KCNMA1: variants seen among roughly 807,000 people sequenced by gnomAD.
The protein encoded by KCNMA1 is potassium calcium-activated channel subfamily M alpha 1, also known as Calcium-activated potassium channel subunit alpha-1.
Under a neutral mutation model 140.0 loss-of-function variants are expected in KCNMA1, and 29 were observed. That is an observed-to-expected ratio of 0.21 (90% CI 0.15 to 0.28). The LOEUF (loss-of-function observed/expected upper bound fraction) is 0.28, where lower values mean the gene tolerates loss of function less well. Ranked by LOEUF, KCNMA1 falls within the 10% of genes least tolerant of loss-of-function variation. KCNMA1 has a pLI of 1.00. For missense variants in KCNMA1, 880 were observed against 1,602.2 expected, an observed-to-expected ratio of 0.55 and a Z score of 7.70; for synonymous variants, 612 against 611.9, an observed-to-expected ratio of 1.00 and a Z score of 0.00.
At chr10:77,066,293 C>T (rs576590035) in intron 14 of KCNMA1, among the ~76,000 whole-genome samples, 6 of 152,180 alleles carry the variant, frequency 3.9e-5, no homozygotes, top group African/African-American at 1.4e-4. Context: ...AGAAGTGCTC[C>T]GATTCTGGGA....
At chr10:77,408,403 T>TGTGTGAGAGTGTGTGCATGTGTGTGCAC (rs1190815062) in intron 1 of KCNMA1, among the ~76,000 whole-genome samples, 3 of 151,924 alleles carry the variant, frequency 2.0e-5, no homozygotes, top group Non-Finnish European at 4.4e-5. Context: ...TGTGTGTGCA[T>TGTGTGAGAGTGTGTGCATGTGTGTGCAC]GTGTGAGAGT....
At chr10:77,178,320 G>T (rs2098771535) in intron 5 of KCNMA1, among the ~76,000 whole-genome samples, 2 of 152,090 alleles carry the variant, frequency 1.3e-5, no homozygotes, top group African/African-American at 4.8e-5. Flanking sequence ...CACACAGTAG[G>T]TAATAAAAAT....
intron 1 of KCNMA1, among the ~76,000 whole-genome samples, chr10:77,605,890 G>T (rs1415645578): frequency 6.6e-6 from 1 of 152,194 alleles, no homozygotes; most frequent in Admixed American, 6.5e-5. Flanking sequence ...AGGACTTATG[G>T]AGGATGTGCA....
intron 1 of KCNMA1, among the ~76,000 whole-genome samples, chr10:77,601,719 G>C (rs778423862): frequency 3.9e-5 from 6 of 152,060 alleles, no homozygotes; most frequent in Non-Finnish European, 7.4e-5. Flanking sequence ...CCTCTCCCCG[G>C]GCCCTGGTAA....
At chr10:77,436,141 C>T (rs16934760) in intron 1 of KCNMA1, among the ~76,000 whole-genome samples, 5,685 of 152,288 alleles carry the variant, frequency 0.037, 375 homozygotes, top group African/African-American at 0.13. Context: ...GAAGCTTGCA[C>T]AAGTCTGGTC....
At chr10:77,380,442 T>G (rs931131613) in intron 2 of KCNMA1, among the ~76,000 whole-genome samples, 4 of 152,274 alleles carry the variant, frequency 2.6e-5, no homozygotes, top group African/African-American at 4.8e-5. Flanking sequence ...TTTCCTTCCT[T>G]CATTTTATTC....
At chr10:77,337,701 G>T (rs1018283238) in intron 2 of KCNMA1, among the ~76,000 whole-genome samples, 2 of 152,184 alleles carry the variant, frequency 1.3e-5, no homozygotes, top group Admixed American at 1.3e-4. Context: ...CATGTTTAAT[G>T]CTGTTGACAA....
chr10:77,086,392 C>T (rs1222990446), intron 11 of KCNMA1, 96 bp downstream of exon 11: 8 of 910,864 alleles, frequency 8.8e-6, no homozygotes, highest in Non-Finnish European at 1.5e-5. Context: ...GACTCGTGGC[C>T]AACCTAGGAG....
intron 1 of KCNMA1, among the ~76,000 whole-genome samples, chr10:77,621,356 T>C (rs1020956299): frequency 6.6e-6 from 1 of 152,164 alleles, no homozygotes; most frequent in Non-Finnish European, 1.5e-5. Context: ...ACTAACACAG[T>C]TTCAGAGTTT....
At chr10:77,419,369 C>T (rs1425106829) in intron 1 of KCNMA1, among the ~76,000 whole-genome samples, 1 of 152,140 alleles carries the variant, frequency 6.6e-6, no homozygotes, top group African/African-American at 2.4e-5. Context: ...GGGATGGAGA[C>T]CTTTTTTGGA....
intron 5 of KCNMA1, among the ~76,000 whole-genome samples, chr10:77,173,877 G>A (rs1042564854): frequency 6.6e-6 from 1 of 152,072 alleles, no homozygotes; most frequent in Non-Finnish European, 1.5e-5. Flanking sequence ...GGGGAGGGGT[G>A]CTTTTGGTCA....
intron 18 of KCNMA1, among the ~76,000 whole-genome samples, chr10:77,002,033 ATATC>A (rs2086650309): frequency 1.3e-5 from 2 of 152,356 alleles, no homozygotes; most frequent in African/African-American, 4.8e-5. Context: ...AGATGCAAAA[ATATC>A]TAATATGTAG....
At chr10:77,036,562 A>G (rs1315519542) in intron 15 of KCNMA1, among the ~76,000 whole-genome samples, 1 of 152,250 alleles carries the variant, frequency 6.6e-6, no homozygotes, top group Non-Finnish European at 1.5e-5. Flanking sequence ...AACTGCTCTG[A>G]AAATCTGTAT....
chr10:77,192,405 G>T (rs1459937461), intron 3 of KCNMA1, among the ~76,000 whole-genome samples: 1 of 152,116 alleles, frequency 6.6e-6, no homozygotes, highest in Non-Finnish European at 1.5e-5. Flanking sequence ...ATCCACGATA[G>T]ACCTAGATAG....
chr10:77,272,012 G>A (rs1420477276), intron 2 of KCNMA1, among the ~76,000 whole-genome samples: 3 of 152,136 alleles, frequency 2.0e-5, no homozygotes, highest in Non-Finnish European at 4.4e-5. Context: ...GGCCTTTCCT[G>A]ACTATCCTTT....
chr10:77,460,922 A>C (rs1196991647), intron 1 of KCNMA1, among the ~76,000 whole-genome samples: 1 of 152,128 alleles, frequency 6.6e-6, no homozygotes, highest in East Asian at 1.9e-4. Flanking sequence ...CCTTGCCAAC[A>C]CGGTGAAACC....
At chr10:77,040,963 G>C (rs1277891617) in intron 14 of KCNMA1, among the ~76,000 whole-genome samples, 1 of 152,114 alleles carries the variant, frequency 6.6e-6, no homozygotes, top group African/African-American at 2.4e-5. Context: ...ATCTCTGAAA[G>C]GATTTCACAA....
rs2097246130 is a variant in KCNMA1 at position 77,108,443 on chromosome 10, A to G, written c.1223+38T>C. On this transcript the variant is annotated intron_variant, in intron 9 of 27. Transcript: ENST00000286628. The surrounding 1 kb of genome is among the most constrained non-coding windows in gnomAD (Gnocchi z 4.6). ...AAAAATGGCATGCAGAGAGGATTCT[A>G]CCGCAGCAGAGGCAGCAAAACCTCT... 1.2e-6 allele frequency: 2 copies of G among 1,603,424 alleles called. No homozygotes were observed. Among genetic ancestry groups the G allele is most frequent in the South Asian group, 2.2e-5 (2 of 90,880 alleles).
At chr10:77,194,847 A>G (rs2039898166) in intron 3 of KCNMA1, among the ~76,000 whole-genome samples, 2 of 152,022 alleles carry the variant, frequency 1.3e-5, no homozygotes, top group Admixed American at 6.6e-5. Flanking sequence ...GGAAAAAAAA[A>G]TAATTATGTT....
Sources: gnomAD v4.1 joint callset for allele counts (sites outside exome capture counted in the v4.1 genomes callset) on GRCh38, gnomAD v4.1.1 for gene constraint, Gnocchi (gnomAD v3.1) non-coding constraint, MANE v1.5 for transcripts, NCBI Gene and HGNC (gene_info 2026-07-23, HGNC 2026-07-21) for gene names.